Variants in LGSN observed in about 807,000 individuals in gnomAD.
LGSN encodes lengsin.
Under a neutral mutation model 19.5 loss-of-function variants are expected in LGSN, and 21 were observed. The observed-to-expected ratio is 1.07, with a 90% confidence interval of 0.76 to 1.55. The LOEUF is 1.55. Among genes scored for constraint, LGSN ranks in the 40% most tolerant of loss-of-function variants. LGSN has a pLI of 0.00. For synonymous variants in LGSN, 257 were observed against 215.6 expected, an observed-to-expected ratio of 1.19 and a Z score of -1.68; for missense variants, 673 against 608.5, an observed-to-expected ratio of 1.11 and a Z score of -1.12.
chr6:63,285,699 A>C lies in LGSN; in HGVS notation c.218T>G (p.Met73Arg). 6.2e-7 allele frequency: 1 copy of C among 1,614,110 alleles called. No individual in the cohort carries two copies. The highest frequency in any genetic ancestry group is 8.5e-7 in the Non-Finnish European group (1 of 1,179,968). Reference protein sequence around the residue: ...ILTPPQLSSRMKHIRQAMAKN... With the variant: ...ILTPPQLSSRRKHIRQAMAKN... ...GGCCATGGCTTGTCTAATGTGTTTC[A>C]TTCTAGAAGAGAGTTGAGGTGGGGT... The change falls in exon 3 of 4, where the codon ATG becomes AGG. Residue 73 changes from methionine to arginine, a missense_variant. Physicochemically the swap from Met to Arg is moderately conservative, Grantham distance 91 (BLOSUM62 -1). Coordinates refer to ENST00000370657, the MANE Select transcript of LGSN (RefSeq NM_016571.3).
the LGSN span, among the ~76,000 whole-genome samples, chr6:63,496,925 A>C: frequency 6.6e-6 from 1 of 152,160 alleles, no homozygotes; most frequent in Non-Finnish European, 1.5e-5. Context: ...TAGTCTGAGC[A>C]ACCACATGGA....
the LGSN span, among the ~76,000 whole-genome samples, chr6:63,565,932 ATT>A: frequency 6.6e-6 from 1 of 152,234 alleles, no homozygotes; most frequent in Non-Finnish European, 1.5e-5. Flanking sequence ...GTTCATAGAG[ATT>A]TAAGCATAGG....
chr6:63,366,163 G>C, the LGSN span, among the ~76,000 whole-genome samples: 1 of 152,090 alleles, frequency 6.6e-6, no homozygotes, highest in South Asian at 2.1e-4. Flanking sequence ...CTGTTTGCAG[G>C]TGACATGATT....
At chr6:63,359,257 G>T in the LGSN span, among the ~76,000 whole-genome samples, 1 of 152,110 alleles carries the variant, frequency 6.6e-6, no homozygotes, top group Non-Finnish European at 1.5e-5. Flanking sequence ...GAGAATTTTT[G>T]CACCGATGTT....
At chr6:63,466,982 T>C in the LGSN span, among the ~76,000 whole-genome samples, 2 of 152,082 alleles carry the variant, frequency 1.3e-5, no homozygotes, top group Non-Finnish European at 2.9e-5. Context: ...TCAGCATATA[T>C]AAAACCAGTG....
At chr6:63,570,370 A>T in the LGSN span, among the ~76,000 whole-genome samples, 1 of 152,218 alleles carries the variant, frequency 6.6e-6, no homozygotes, top group South Asian at 2.1e-4. Context: ...TTCTCTCAAC[A>T]GCAAAAGCCT....
chr6:63,382,563 G>A, the LGSN span, among the ~76,000 whole-genome samples: 1 of 152,338 alleles, frequency 6.6e-6, no homozygotes, highest in Non-Finnish European at 1.5e-5. Flanking sequence ...TTACCTAGGA[G>A]GGTAAAGCCA....
At chr6:63,468,989 C>T in the LGSN span, among the ~76,000 whole-genome samples, 3 of 152,054 alleles carry the variant, frequency 2.0e-5, no homozygotes, top group African/African-American at 7.2e-5. Context: ...CTCAAGTGAT[C>T]CACCCACCTC....
chr6:63,408,751 A>G, the LGSN span, among the ~76,000 whole-genome samples: 12,576 of 149,866 alleles, frequency 0.084, 917 homozygotes, highest in African/African-American at 0.21. Context: ...GCAACCTACA[A>G]AATGGGAGAA....
the LGSN span, among the ~76,000 whole-genome samples, chr6:63,350,400 G>A: frequency 6.6e-6 from 1 of 152,142 alleles, no homozygotes; most frequent in Non-Finnish European, 1.5e-5. Context: ...AATTATTACT[G>A]GATCTAGTCA....
chr6:63,375,540 A>C, the LGSN span, among the ~76,000 whole-genome samples: 2 of 152,142 alleles, frequency 1.3e-5, no homozygotes, highest in African/African-American at 4.8e-5. Context: ...TATATGAAGC[A>C]AAATATGAAA....
the LGSN span, among the ~76,000 whole-genome samples, chr6:63,338,685 T>A: frequency 6.6e-6 from 1 of 152,168 alleles, no homozygotes; most frequent in Admixed American, 6.5e-5. Context: ...CTATTTTGTT[T>A]CATTCTGTTC....
chr6:63,282,990 A>T (rs1179699710), intron 3 of LGSN, among the ~76,000 whole-genome samples: 4 of 152,184 alleles, frequency 2.6e-5, no homozygotes, highest in Non-Finnish European at 5.9e-5. Flanking sequence ...ACTTCTATGA[A>T]TTCCTACAAT....
At chr6:63,555,331 G>C in the LGSN span, among the ~76,000 whole-genome samples, 2 of 152,126 alleles carry the variant, frequency 1.3e-5, no homozygotes, top group African/African-American at 2.4e-5. Context: ...CTGGAAATTA[G>C]AATATTTAAT....
chr6:63,288,842 A>AG (rs1396715168), intron 2 of LGSN, among the ~76,000 whole-genome samples: 2 of 152,356 alleles, frequency 1.3e-5, no homozygotes, highest in African/African-American at 4.8e-5. Context: ...ATAATGGATT[A>AG]GGGGCCACCC....
chr6:63,523,019 C>G, the LGSN span, among the ~76,000 whole-genome samples: 1 of 152,016 alleles, frequency 6.6e-6, no homozygotes, highest in East Asian at 1.9e-4. Context: ...CATGTGCCAC[C>G]ACGCTGATCT....
chr6:63,427,260 T>C, the LGSN span, among the ~76,000 whole-genome samples: 1 of 152,130 alleles, frequency 6.6e-6, no homozygotes, highest in Non-Finnish European at 1.5e-5. Context: ...GCCAGGCTGG[T>C]CTTGAACTCT....
the LGSN span, among the ~76,000 whole-genome samples, chr6:63,335,093 G>A: frequency 2.7e-5 from 4 of 148,218 alleles, no homozygotes; most frequent in South Asian, 8.5e-4. Context: ...GCAGTGAGCC[G>A]AGACTGCACC....
the LGSN span, chr6:63,392,230 G>C: frequency 3.3e-5 from 5 of 152,378 alleles, no homozygotes; most frequent in Admixed American, 2.6e-4. Context: ...CCCTTCCTCA[G>C]TGCTGCCAAC....
Sources: gnomAD v4.1 joint callset for allele counts (sites outside exome capture counted in the v4.1 genomes callset) on GRCh38, gnomAD v4.1.1 for gene constraint, MANE v1.5 for transcripts, NCBI Gene and HGNC (gene_info 2026-07-23, HGNC 2026-07-21) for gene names.